CDH13: variants seen among roughly 807,000 people sequenced by gnomAD.
CDH13 encodes cadherin 13.
In CDH13, 24 loss-of-function variants were observed where a neutral mutation model predicts 63.8. The ratio of observed to expected loss-of-function variants is 0.38; its 90% confidence interval spans 0.27 to 0.53. CDH13 has a LOEUF of 0.53. Among genes scored for constraint, CDH13 ranks in the 20% least tolerant of loss-of-function variants. The pLI, the probability that CDH13 is intolerant of heterozygous loss-of-function variation, is 0.85. For missense variants in CDH13, 1,049 were observed against 903.1 expected (o/e 1.16, Z -2.07); for synonymous variants, 503 against 355.3 (o/e 1.42, Z -4.67).
In CDH13 at chr16:83,016,352, G is replaced by A. The variant is rs923935425; in HGVS notation, c.158-15658G>A. On this transcript the variant is annotated intron_variant, in intron 2 of 13. Coordinates refer to ENST00000567109, the MANE Select transcript of CDH13 (RefSeq NM_001257.5). ...GTATCTCACACACTGCAATTAGGGA[G>A]GAGGTAAATGAATTAATTGGTTACA... is the stretch of plus-strand genomic sequence containing the variant. 3.9e-5 allele frequency among the ~76,000 whole-genome samples: 6 copies of A among 152,316 alleles called. No individual in the cohort carries two copies. The East Asian group carries it at 5.8e-4, about 15-fold the overall frequency.
chr16:82,695,012 G>A (rs553555462), intron 1 of CDH13, among the ~76,000 whole-genome samples: 7 of 152,164 alleles, frequency 4.6e-5, no homozygotes, highest in African/African-American at 1.7e-4. Context: ...GGAGGGTGGA[G>A]ACAGGAGGCA....
At chr16:82,900,000 T>C (rs1345362411) in intron 2 of CDH13, among the ~76,000 whole-genome samples, 1 of 152,230 alleles carries the variant, frequency 6.6e-6, no homozygotes, top group Non-Finnish European at 1.5e-5. Flanking sequence ...CAGTGAGGTC[T>C]GGCTCTCCCA....
chr16:83,188,755 A>C (rs965218063), intron 4 of CDH13, among the ~76,000 whole-genome samples: 2 of 152,220 alleles, frequency 1.3e-5, no homozygotes, highest in African/African-American at 4.8e-5. Flanking sequence ...TCTTTTTAGA[A>C]ATTGAGGTGG....
intron 6 of CDH13, among the ~76,000 whole-genome samples, chr16:83,429,999 A>G (rs374485226): frequency 6.6e-6 from 1 of 152,090 alleles, no homozygotes; most frequent in Non-Finnish European, 1.5e-5. Flanking sequence ...TTGAGTCTAT[A>G]AATTGGACTG....
intron 6 of CDH13, among the ~76,000 whole-genome samples, chr16:83,361,923 G>A (rs1349845171): frequency 6.6e-6 from 1 of 151,996 alleles, no homozygotes; most frequent in Non-Finnish European, 1.5e-5. Context: ...TTTTTTGGTT[G>A]TATATGAATT....
At chr16:82,759,360 A>T (rs777494587) in intron 1 of CDH13, among the ~76,000 whole-genome samples, 6 of 152,176 alleles carry the variant, frequency 3.9e-5, no homozygotes, top group Admixed American at 6.5e-5. Context: ...CTGAGACAAT[A>T]AAATACTACA....
intron 2 of CDH13, among the ~76,000 whole-genome samples, chr16:82,971,123 A>T (rs776985545): frequency 3.3e-5 from 5 of 152,194 alleles, no homozygotes; most frequent in Non-Finnish European, 7.3e-5. Flanking sequence ...AAAGACCAGC[A>T]GGAGCAGGTG....
At position 83,530,472 on chromosome 16, in the gene CDH13, T is replaced by C. The variant is rs144840365; in HGVS notation, c.960+43817T>C. Among the ~76,000 whole-genome samples, 1,440 of 152,334 alleles carry C rather than the reference T, an allele frequency of 9.5e-3. 30 individuals carry two copies. The highest frequency in any genetic ancestry group is 0.033 in the African/African-American group (1,352 of 41,580). ...AGAGCCAAAATTGAGCACTGTTTCC[T>C]GAGAGCACTGTGGCTCTGTCCTTGA... On this transcript the variant is annotated intron_variant, in intron 7 of 13. Coordinates refer to ENST00000567109, the MANE Select transcript of CDH13 (RefSeq NM_001257.5).
chr16:83,096,993 T>A (rs2151593781), intron 3 of CDH13, among the ~76,000 whole-genome samples: 1 of 152,314 alleles, frequency 6.6e-6, no homozygotes, highest in Non-Finnish European at 1.5e-5. Flanking sequence ...CTTTGAATAA[T>A]GTCAAGATTG....
At chr16:83,487,735 T>A (rs2073922894) in intron 7 of CDH13, among the ~76,000 whole-genome samples, 1 of 152,198 alleles carries the variant, frequency 6.6e-6, no homozygotes, top group Non-Finnish European at 1.5e-5. Flanking sequence ...GTAAGAACCA[T>A]CAGCTCCACG....
chr16:83,004,240 A>G (rs1272123691), intron 2 of CDH13, among the ~76,000 whole-genome samples: 1 of 152,168 alleles, frequency 6.6e-6, no homozygotes. Flanking sequence ...GGATAAAGAT[A>G]GGGAAGCAGG....
chr16:83,571,425 C>G (rs1325358244), intron 7 of CDH13, among the ~76,000 whole-genome samples: 2 of 152,198 alleles, frequency 1.3e-5, no homozygotes, highest in East Asian at 3.9e-4. Flanking sequence ...AAAACTGGCC[C>G]TTAAAGCAAT....
chr16:83,324,820 A>G (rs2090323160), intron 5 of CDH13, among the ~76,000 whole-genome samples: 1 of 152,210 alleles, frequency 6.6e-6, no homozygotes, highest in African/African-American at 2.4e-5. Context: ...CTATTTGAGG[A>G]ACTGCCAGAC....
chr16:83,483,681 C>A (rs2073824770), intron 6 of CDH13, among the ~76,000 whole-genome samples: 1 of 152,100 alleles, frequency 6.6e-6, no homozygotes, highest in South Asian at 2.1e-4. Flanking sequence ...GGGGTTAAGG[C>A]CTCCTCCTAT....
intron 8 of CDH13, among the ~76,000 whole-genome samples, chr16:83,627,508 C>G (rs1023347444): frequency 2.4e-4 from 36 of 152,248 alleles, no homozygotes; most frequent in Middle Eastern, 3.4e-3. Context: ...GTATCCACAC[C>G]ATTGTCCTGC....
chr16:83,511,043 C>T (rs528604907), intron 7 of CDH13, among the ~76,000 whole-genome samples: 1 of 139,404 alleles, frequency 7.2e-6, no homozygotes, highest in Non-Finnish European at 1.5e-5. Context: ...CACGCATGCA[C>T]ACGTGTGTGC....
At chr16:83,464,337 AC>A (rs1427530291) in intron 6 of CDH13, among the ~76,000 whole-genome samples, 5 of 151,698 alleles carry the variant, frequency 3.3e-5, no homozygotes, top group Non-Finnish European at 7.4e-5. Context: ...ACATGGTGAA[AC>A]CCTGTCTTTA....
chr16:82,643,360 T>C (rs543253313), intron 1 of CDH13, among the ~76,000 whole-genome samples: 1 of 152,330 alleles, frequency 6.6e-6, no homozygotes, highest in African/African-American at 2.4e-5. Context: ...GCTTTACTTA[T>C]ATTAACACTG....
intron 6 of CDH13, among the ~76,000 whole-genome samples, chr16:83,463,076 T>G (rs1307299338): frequency 6.6e-6 from 1 of 152,046 alleles, no homozygotes; most frequent in Non-Finnish European, 1.5e-5. Flanking sequence ...AATATAACAC[T>G]GCCTCGGGAA....
Sources: allele counts gnomAD v4.1 joint callset (sites outside exome capture counted in the v4.1 genomes callset), GRCh38; gene constraint gnomAD v4.1.1; transcripts MANE v1.5; gene names NCBI Gene and HGNC (gene_info 2026-07-23, HGNC 2026-07-21).